Variants in PCDH9 observed in about 807,000 individuals in gnomAD.
PCDH9 encodes the protein protocadherin 9.
PCDH9 carries 24 observed loss-of-function variants against 70.6 expected under a neutral mutation model. The ratio of observed to expected loss-of-function variants is 0.34; its 90% CI spans 0.25 to 0.48. The LOEUF is 0.48. PCDH9 is among the 20% of genes least tolerant of loss of function. PCDH9 has a pLI of 0.99. For synonymous variants in PCDH9, 562 were observed against 558.5 expected (o/e 1.01, Z -0.09); for missense variants, 1,281 against 1,503.6 (o/e 0.85, Z 2.45).
intron 3 of PCDH9, among the ~76,000 whole-genome samples, chr13:66,684,056 T>C (rs922291971): frequency 6.6e-6 from 1 of 152,236 alleles, no homozygotes; most frequent in Non-Finnish European, 1.5e-5. Context: ...TACGTTTTAA[T>C]AATGAACAGT....
chr13:66,319,662 C>T (rs1480336437), intron 4 of PCDH9, among the ~76,000 whole-genome samples: 1 of 151,848 alleles, frequency 6.6e-6, no homozygotes, highest in Non-Finnish European at 1.5e-5. Context: ...CCTGAAGGGG[C>T]AAAAGGAGGG....
chr13:67,068,652 A>T (rs535588976), intron 2 of PCDH9, among the ~76,000 whole-genome samples: 21 of 152,292 alleles, frequency 1.4e-4, no homozygotes, highest in Middle Eastern at 3.4e-3. Context: ...CCAAACCTCA[A>T]ACTCATTTCT....
intron 4 of PCDH9, among the ~76,000 whole-genome samples, chr13:66,395,062 T>C (rs1370480107): frequency 6.6e-6 from 1 of 152,212 alleles, no homozygotes; most frequent in Admixed American, 6.5e-5. Context: ...TTTGCTTGTT[T>C]GTACAGTTCT....
chr13:66,780,251 G>A lies in PCDH9; in HGVS notation c.3138+123253C>T, dbSNP rs150378940. The stretch of plus-strand genomic sequence containing the variant: ...CAATAAAACTTATTACAGAGTAAAA[G>A]GAAAGTTTGTTGATGGAAGCAAATC... On this transcript the variant is annotated intron_variant, in intron 3 of 4. Coordinates refer to ENST00000377865, the MANE Select transcript of PCDH9 (RefSeq NM_203487.3). Among the ~76,000 whole-genome samples the A allele has an allele frequency of 3.4e-3, 511 of 152,102 alleles. 2 individuals are homozygous for A. The highest frequency in any genetic ancestry group is 0.01 in the Middle Eastern group (3 of 292).
At chr13:66,970,260 A>C (rs1222737026) in intron 2 of PCDH9, among the ~76,000 whole-genome samples, 1 of 152,010 alleles carries the variant, frequency 6.6e-6, no homozygotes, top group Non-Finnish European at 1.5e-5. Flanking sequence ...TAATTTGTTG[A>C]AATGTGTAGT....
intron 3 of PCDH9, among the ~76,000 whole-genome samples, chr13:66,842,813 G>A (rs2081138929): frequency 6.6e-6 from 1 of 152,172 alleles, no homozygotes; most frequent in Admixed American, 6.5e-5. Context: ...AATTGGATGA[G>A]GGTGAAGGGA....
intron 3 of PCDH9, among the ~76,000 whole-genome samples, chr13:66,768,905 A>G (rs1236801394): frequency 6.6e-6 from 1 of 152,078 alleles, no homozygotes; most frequent in Non-Finnish European, 1.5e-5. Flanking sequence ...ATAGTGCAAA[A>G]CAAACAAACA....
At position 66,912,508 on chromosome 13, in the gene PCDH9, A is replaced by C. The variant is rs572899686; in HGVS notation, c.3037-8903T>G. 1.6e-3 allele frequency among the ~76,000 whole-genome samples: 212 copies of C among 134,186 alleles called. 1 individual carries two copies. The highest frequency in any genetic ancestry group is 5.0e-3 in the Admixed American group (67 of 13,302). The allele number at this position is 134,186 out of a possible 152,430, so 88.0% of individuals were successfully genotyped here. On this transcript the variant is annotated intron_variant, in intron 2 of 4. Coordinates refer to ENST00000377865, the MANE Select transcript of PCDH9 (RefSeq NM_203487.3). ...TGGCCATTTGTGAATTACATTCATA[A>C]GTGTGGACACACACACACACACACA... is the stretch of plus-strand genomic sequence containing the variant.
At chr13:66,550,471 T>G (rs1029484046) in intron 4 of PCDH9, among the ~76,000 whole-genome samples, 7 of 152,144 alleles carry the variant, frequency 4.6e-5, no homozygotes, top group Non-Finnish European at 1.0e-4. Flanking sequence ...TTCAGCCTGC[T>G]TTGGGAGGCT....
chr13:66,755,743 T>C (rs1176822509), intron 3 of PCDH9, among the ~76,000 whole-genome samples: 1 of 152,030 alleles, frequency 6.6e-6, no homozygotes, highest in African/African-American at 2.4e-5. Context: ...ACATAAATAG[T>C]ATAAGCTCTG....
chr13:67,076,595 T>C (rs1566408428), intron 2 of PCDH9, among the ~76,000 whole-genome samples: 1 of 152,150 alleles, frequency 6.6e-6, no homozygotes, highest in Non-Finnish European at 1.5e-5. Flanking sequence ...ACTTCTCCAC[T>C]GAAGCATTAC....
intron 3 of PCDH9, among the ~76,000 whole-genome samples, chr13:66,728,269 T>C (rs758730817): frequency 1.3e-5 from 2 of 152,136 alleles, no homozygotes; most frequent in Admixed American, 6.6e-5. Flanking sequence ...TGTCAATCCC[T>C]CTAATAAACT....
intron 2 of PCDH9, among the ~76,000 whole-genome samples, chr13:67,076,945 T>C (rs1275518056): frequency 6.6e-6 from 1 of 152,102 alleles, no homozygotes; most frequent in South Asian, 2.1e-4. Context: ...TTATGTGTGA[T>C]TAATATATAC....
intron 2 of PCDH9, among the ~76,000 whole-genome samples, chr13:67,047,181 C>G (rs1487456860): frequency 6.6e-6 from 1 of 152,062 alleles, no homozygotes; most frequent in African/African-American, 2.4e-5. Flanking sequence ...TTCTGAACAC[C>G]CACTCTAATG....
chr13:67,072,449 AAC>A (rs1407390677), intron 2 of PCDH9, among the ~76,000 whole-genome samples: 2 of 152,236 alleles, frequency 1.3e-5, no homozygotes, highest in Non-Finnish European at 2.9e-5. Flanking sequence ...TATCCTTAAA[AAC>A]ACAGTTTTCC....
chr13:66,835,336 C>T (rs1199332401), intron 3 of PCDH9, among the ~76,000 whole-genome samples: 1 of 152,184 alleles, frequency 6.6e-6, no homozygotes, highest in South Asian at 2.1e-4. Context: ...TGGCAAAGCT[C>T]CAGCTGTTTG....
chr13:66,566,235 C>T (rs2076650602), intron 4 of PCDH9, among the ~76,000 whole-genome samples: 1 of 152,192 alleles, frequency 6.6e-6, no homozygotes, highest in East Asian at 1.9e-4. Context: ...TAGGAATGTG[C>T]TTGTTTTTAT....
At position 67,012,233 on chromosome 13, in the gene PCDH9, T is replaced by C. The variant is rs1345528136; in HGVS notation, c.3037-108628A>G. 2.6e-5 allele frequency among the ~76,000 whole-genome samples: 4 copies of C among 151,912 alleles called. No homozygotes were observed. In the East Asian group the frequency reaches 7.7e-4, roughly 29 times the overall value. ...CTATTGTTACTTGTTGAATAGAATA[T>C]TAAACTATTAGAAATTCAATAAATG... On this transcript the variant is annotated intron_variant, in intron 2 of 4. Transcript: ENST00000377865.
At chr13:67,052,649 T>C (rs1372312899) in intron 2 of PCDH9, among the ~76,000 whole-genome samples, 2 of 151,992 alleles carry the variant, frequency 1.3e-5, no homozygotes, top group East Asian at 1.9e-4. Flanking sequence ...GCCATTCAGA[T>C]GAAATGCCCT....
Sources: gnomAD v4.1 joint callset for allele counts (sites outside exome capture counted in the v4.1 genomes callset) on GRCh38, gnomAD v4.1.1 for gene constraint, MANE v1.5 for transcripts, NCBI Gene and HGNC (gene_info 2026-07-23, HGNC 2026-07-21) for gene names.